Variants in SLC5A8 observed in about 807,000 individuals in gnomAD.
SLC5A8 encodes the protein sodium-coupled monocarboxylate transporter 1.
A neutral mutation model predicts 71.9 loss-of-function variants in SLC5A8; 55 were observed. The observed-to-expected ratio is 0.77, with a 90% CI of 0.62 to 0.96. SLC5A8 has a LOEUF of 0.96. SLC5A8 is among the 40% of genes least tolerant of loss of function. The pLI is 0.00. For missense variants in SLC5A8, 701 were observed against 745.3 expected (o/e 0.94, Z 0.69); for synonymous variants, 307 against 276.1 (o/e 1.11, Z -1.11).
intron 6 of SLC5A8, among the ~76,000 whole-genome samples, chr12:101,189,962 A>G (rs1868825687): frequency 6.6e-6 from 1 of 152,208 alleles, no homozygotes; most frequent in Non-Finnish European, 1.5e-5. Flanking sequence ...CTGCAGCTCA[A>G]AGAGACTGCA....
rs372852084 is a variant in SLC5A8 at position 101,168,195 on chromosome 12, TACA to T, written c.1234-16_1234-14del. 1.3e-4 allele frequency: 207 copies of T among 1,588,184 alleles called. No homozygotes were observed. The African/African-American group carries it at 2.4e-3, about 18-fold the overall frequency. The stretch of plus-strand genomic sequence containing the variant: ...CGCTGAGTGCTGCCTACAAAAATAA[TACA>T]ACGTCAGCAATTAGCAATCTCAAAT... On this transcript the variant is annotated splice_polypyrimidine_tract_variant and intron_variant, in intron 10 of 14. Transcript: ENST00000536262.
chr12:101,195,151 C>T lies in SLC5A8; in HGVS notation c.481G>A (p.Asp161Asn). Residue 161 changes from aspartate (D) to asparagine (N), a missense_variant, in exon 4 of 15, where the codon GAT becomes AAT. Transcript: ENST00000536262. ...GTTGCCACTACCGCGCCCCACAGAT[C>T]AAATCCTGTGACTGTAGAAAAAAAT... is the stretch of plus-strand genomic sequence containing the variant. ...ALALNQVTGF[D>N]LWGAVVATGV... is the part of the protein sequence containing the mutation. The T allele has an allele frequency of 6.2e-7, 1 of 1,614,026 alleles. No homozygotes were observed. Among genetic ancestry groups the T allele is most frequent in the Non-Finnish European group, 8.5e-7 (1 of 1,179,980 alleles).
At chr12:101,204,014 A>G (rs996120421) in intron 2 of SLC5A8, among the ~76,000 whole-genome samples, 2 of 152,238 alleles carry the variant, frequency 1.3e-5, no homozygotes, top group Admixed American at 1.3e-4. Flanking sequence ...TAATTTTTAA[A>G]AGAGCACTGA....
At chr12:101,158,537 A>G (rs1441109712) in intron 13 of SLC5A8, among the ~76,000 whole-genome samples, 1 of 129,920 alleles carries the variant, frequency 7.7e-6, no homozygotes, top group East Asian at 2.6e-4. Flanking sequence ...GCCTCTCACT[A>G]TAATAAATAT....
rs770091358 is a variant in SLC5A8 at position 101,190,543 on chromosome 12, C to A, written c.758G>T (p.Trp253Leu). Reference sequence around the variant, plus strand: ...TTGGTTGACACCGTAGATGCTGGTCCATGTGAAGGTCCCTCCTATAATAAT... The same window carrying A: ...TTGGTTGACACCGTAGATGCTGGTCAATGTGAAGGTCCCTCCTATAATAAT... ...WTIIIGGTFT[W>L]TSIYGVNQSQ... is the part of the protein sequence containing the mutation. The change falls in exon 6 of 15, where the codon TGG becomes TTG. Residue 253 changes from tryptophan (W) to leucine (L), a missense_variant. Coordinates refer to ENST00000536262, the MANE Select transcript of SLC5A8 (RefSeq NM_145913.5). 9 of 1,612,976 alleles carry A rather than the reference C, an allele frequency of 5.6e-6. No homozygotes were observed. Among genetic ancestry groups the A allele is most frequent in the Non-Finnish European group, 7.6e-6 (9 of 1,179,660 alleles).
At chr12:101,205,773 C>T (rs1389904055) in intron 1 of SLC5A8, among the ~76,000 whole-genome samples, 1 of 152,158 alleles carries the variant, frequency 6.6e-6, no homozygotes. Context: ...GCAAACTTGC[C>T]AGGGCCACAG....
chr12:101,209,494 T>G lies in SLC5A8; in HGVS notation c.351+4A>C. ...GCATGGTCCCAGCCCACCCTGCCCC[T>G]TACCTCGTAGGTGCTGGTAATTCCC... On this transcript the variant is annotated splice_donor_region_variant and intron_variant, in intron 1 of 14. Coordinates refer to ENST00000536262, the MANE Select transcript of SLC5A8 (RefSeq NM_145913.5). 2.3e-4 allele frequency: 194 copies of G among 842,132 alleles called. No individual in the cohort carries two copies. The highest frequency in any genetic ancestry group is 3.4e-4 in the Non-Finnish European group (180 of 531,902). 52.2% of individuals were successfully genotyped at this position (842,132 alleles called of 1,614,324 possible).
At position 101,209,816 on chromosome 12, in the gene SLC5A8, C is replaced by A. The variant is rs1869849054; in HGVS notation, c.33G>T (p.Val11=). ...CCGCGAACACCACGTAGTCCCACAC[C>A]ACGAAGGTGCCGATGCCCCGTGGCG... MDTPRGIGTF[V]VWDYVVFAGM... Residue 11 remains valine (V), a synonymous_variant, in exon 1 of 15, where the codon GTG becomes GTT. Coordinates refer to ENST00000536262, the MANE Select transcript of SLC5A8 (RefSeq NM_145913.5). The A allele has an allele frequency of 6.3e-7, 1 of 1,581,610 alleles. No homozygotes were observed. Among genetic ancestry groups the A allele is most frequent in the African/African-American group, 1.3e-5 (1 of 74,300 alleles).
intron 1 of SLC5A8, among the ~76,000 whole-genome samples, chr12:101,207,045 T>A (rs1440707376): frequency 1.3e-5 from 2 of 152,192 alleles, no homozygotes; most frequent in Non-Finnish European, 2.9e-5. Flanking sequence ...ATTCTGTACC[T>A]CTCAGCATAA....
At chr12:101,205,446 C>T (rs1435467131) in intron 1 of SLC5A8, among the ~76,000 whole-genome samples, 2 of 152,126 alleles carry the variant, frequency 1.3e-5, no homozygotes, top group Non-Finnish European at 2.9e-5. Flanking sequence ...TTATAATATA[C>T]ATATTACAGA....
chr12:101,161,484 G>A (rs1555313055), intron 13 of SLC5A8, among the ~76,000 whole-genome samples: 2 of 151,322 alleles, frequency 1.3e-5, no homozygotes, highest in Non-Finnish European at 2.9e-5. Flanking sequence ...ATAAATATCT[G>A]AAAAAAAAGC....
chr12:101,166,795 A>G lies in SLC5A8; in HGVS notation c.1321-96T>C, dbSNP rs150822906. 8.2e-5 allele frequency: 93 copies of G among 1,131,758 alleles called. 1 individual carries two copies. The East Asian group carries it at 2.1e-3, about 25-fold the overall frequency. The allele number at this position is 1,131,758 out of a possible 1,614,324, so 70.1% of individuals were successfully genotyped here. ...GCCAAGTTCAACATGGCACGAAATT[A>G]TAAAACTCACAAGGGCAGAAACATT... On this transcript the variant is annotated intron_variant, in intron 11 of 14. Coordinates refer to ENST00000536262, the MANE Select transcript of SLC5A8 (RefSeq NM_145913.5).
intron 10 of SLC5A8, among the ~76,000 whole-genome samples, chr12:101,169,591 G>A (rs963368488): frequency 2.0e-5 from 3 of 152,146 alleles, no homozygotes; most frequent in African/African-American, 7.2e-5. Context: ...GATCCTGGAG[G>A]ACCCCTGCTG....
At chr12:101,169,204 G>A (rs1566308693) in intron 10 of SLC5A8, among the ~76,000 whole-genome samples, 1 of 152,188 alleles carries the variant, frequency 6.6e-6, no homozygotes, top group Non-Finnish European at 1.5e-5. Context: ...TGATCTGTGA[G>A]CAGTTTTGGA....
Position 101,209,852 on chromosome 12 carries a change from C to G in SLC5A8, c.-4G>C. ...CGATGCCCCGTGGCGTGTCCATGGC[C>G]GCACGGTCGCCTGAGCCCTGCGCGC... On this transcript the variant is annotated 5_prime_UTR_variant, in exon 1 of 15. Coordinates refer to ENST00000536262, the MANE Select transcript of SLC5A8 (RefSeq NM_145913.5). 1 of 1,531,376 alleles carries G rather than the reference C, an allele frequency of 6.5e-7. No individual in the cohort carries two copies. Among genetic ancestry groups the G allele is most frequent in the African/African-American group, 1.4e-5 (1 of 72,618 alleles). The allele number at this position is 1,531,376 out of a possible 1,614,324, so 94.9% of individuals were successfully genotyped here. A position where few individuals can be genotyped will look rare whatever the true frequency, so the allele number is the denominator to read the frequency against.
chr12:101,195,654 C>A (rs1017810963), intron 3 of SLC5A8, among the ~76,000 whole-genome samples: 2 of 148,376 alleles, frequency 1.3e-5, no homozygotes, highest in African/African-American at 5.0e-5. Context: ...TTGCAGATTG[C>A]GGATCTGATT....
In SLC5A8 at chr12:101,160,096, C is replaced by T. The variant is rs12821408; in HGVS notation, c.1631-1768G>A. On this transcript the variant is annotated intron_variant, in intron 13 of 14. Transcript: ENST00000536262. ...ACTCGGGAAGCTGAGGCAGAAGAAT[C>T]CCTTGAACGCAGGAGGCAGAGGTTA... 6.9e-3 allele frequency among the ~76,000 whole-genome samples: 1,047 copies of T among 152,194 alleles called. 6 individuals are homozygous for T. Among genetic ancestry groups the T allele is most frequent in the Middle Eastern group, 0.024 (7 of 292 alleles).
chr12:101,187,615 T>G, intron 6 of SLC5A8, 100 bp from the exon 7 acceptor site: 1 of 1,220,168 alleles, frequency 8.2e-7, no homozygotes, highest in Non-Finnish European at 1.1e-6. Flanking sequence ...ATGATTAGAC[T>G]CAATAAATGT....
Position 101,191,326 on chromosome 12 carries a change from A to G in SLC5A8, c.693-718T>C, listed in dbSNP as rs760754289. Among the ~76,000 whole-genome samples the G allele has an allele frequency of 1.6e-4, 24 of 152,232 alleles. 1 individual carries two copies. Among genetic ancestry groups the G allele is most frequent in the Non-Finnish European group, 2.9e-4 (20 of 68,034 alleles). ...AGGAATGATTTTGTTCATCTCTGAT[A>G]TACAATATGAGCTAGAAAACTTTCT... On this transcript the variant is annotated intron_variant, in intron 5 of 14. Transcript: ENST00000536262.
Sources: allele counts gnomAD v4.1 joint callset (sites outside exome capture counted in the v4.1 genomes callset), GRCh38; gene constraint gnomAD v4.1.1; transcripts MANE v1.5; gene names NCBI Gene and HGNC (gene_info 2026-07-23, HGNC 2026-07-21).